The following RAPGEF1 variants were observed in gnomAD, a reference collection of about 807,000 sequenced individuals.
RAPGEF1 encodes the protein CRK SH3-binding GNRP.
A neutral mutation model predicts 143.3 loss-of-function variants in RAPGEF1; 33 were observed. The observed-to-expected ratio is 0.23, with a 90% CI of 0.17 to 0.31. RAPGEF1 has a LOEUF of 0.31. Among genes scored for constraint, RAPGEF1 ranks in the 10% least tolerant of loss-of-function variants. RAPGEF1 has a pLI of 1.00. For synonymous variants in RAPGEF1, 629 were observed against 676.5 expected (o/e 0.93, Z 1.09); for missense variants, 1,199 against 1,645.4 (o/e 0.73, Z 4.69).
chr9:131,735,854 G>C (rs1589132127), intron 1 of RAPGEF1, among the ~76,000 whole-genome samples: 1 of 152,148 alleles, frequency 6.6e-6, no homozygotes, highest in Non-Finnish European at 1.5e-5. Flanking sequence ...CCAGGCTTTT[G>C]AGATTTTTGA....
At chr9:131,593,583 T>A (rs1023896002) in intron 17 of RAPGEF1, among the ~76,000 whole-genome samples, 1 of 152,194 alleles carries the variant, frequency 6.6e-6, no homozygotes, top group African/African-American at 2.4e-5. Flanking sequence ...GGAACCCACA[T>A]CTCCAGCTGA....
At position 131,650,680 on chromosome 9, in the gene RAPGEF1, G is replaced by T; in HGVS notation, c.201+130C>A. On this transcript the variant is annotated intron_variant, in intron 2 of 26. Transcript: ENST00000683357. The surrounding 1 kb of genome is among the most constrained non-coding windows in gnomAD (Gnocchi z 4.7). ...ATTTTACAAGGACACCAAAGGTCCC[G>T]CCCATGGAATGCTACGAAGTAGGTA... 1 of 1,343,934 alleles carries T rather than the reference G, an allele frequency of 7.4e-7. No individual in the cohort carries two copies. Among genetic ancestry groups the T allele is most frequent in the Non-Finnish European group, 1.0e-6 (1 of 978,858 alleles). The allele number at this position is 1,343,934 out of a possible 1,614,324, so 83.3% of individuals were successfully genotyped here.
intron 1 of RAPGEF1, among the ~76,000 whole-genome samples, chr9:131,652,190 GTTAACC>G (rs1041796833): frequency 1.3e-5 from 2 of 152,100 alleles, no homozygotes; most frequent in African/African-American, 4.8e-5. Context: ...TCTTCAGTAA[GTTAACC>G]TTAGCTTACT....
intron 15 of RAPGEF1, among the ~76,000 whole-genome samples, chr9:131,601,171 CAAAAAAAA>C (rs11305443): frequency 1.3e-4 from 10 of 79,420 alleles, no homozygotes; most frequent in Non-Finnish European, 2.3e-4. Flanking sequence ...GACTCCGTCT[CAAAAAAAA>C]AAAAAAAAAA....
At chr9:131,681,818 T>A (rs1832934355) in intron 1 of RAPGEF1, among the ~76,000 whole-genome samples, 1 of 152,114 alleles carries the variant, frequency 6.6e-6, no homozygotes. Context: ...TGGAGAACAA[T>A]ACCCTTCCTT....
chr9:131,598,358 C>T (rs754683787), intron 15 of RAPGEF1, 48 bp from the exon 16 acceptor site: 1 of 1,529,710 alleles, frequency 6.5e-7, no homozygotes, highest in South Asian at 1.2e-5. Flanking sequence ...CGGCTCAGCT[C>T]CCGATGCCTG....
chr9:131,676,929 T>TGCGGGTA (rs1554856782), intron 1 of RAPGEF1, among the ~76,000 whole-genome samples: 1 of 152,078 alleles, frequency 6.6e-6, no homozygotes, highest in South Asian at 2.1e-4. Context: ...GCAGACACTC[T>TGCGGGTA]GGGGGTAGGC....
intron 10 of RAPGEF1, among the ~76,000 whole-genome samples, chr9:131,622,529 C>G (rs1331479370): frequency 1.3e-5 from 2 of 152,214 alleles, no homozygotes; most frequent in Non-Finnish European, 2.9e-5. Flanking sequence ...TATTTCTTCC[C>G]TGAGCCACAC....
In RAPGEF1 at chr9:131,708,441, C is replaced by T. The variant is rs1762467095; in HGVS notation, c.61+31329G>A. Among the ~76,000 whole-genome samples, 3 of 152,152 alleles carry T rather than the reference C, an allele frequency of 2.0e-5. No homozygotes were observed. In the East Asian group the frequency reaches 5.8e-4, roughly 29 times the overall value. Reference sequence around the variant, plus strand: ...AGACACTATTAAAGGTCCTTGAGCTCCAAATGTACCACTGCACTGCTCTGT... The same window carrying T: ...AGACACTATTAAAGGTCCTTGAGCTTCAAATGTACCACTGCACTGCTCTGT... On this transcript the variant is annotated intron_variant, in intron 1 of 26. Coordinates refer to ENST00000683357, the MANE Select transcript of RAPGEF1 (RefSeq NM_001377935.1).
intron 26 of RAPGEF1, among the ~76,000 whole-genome samples, chr9:131,580,029 G>A (rs934557524): frequency 1.3e-5 from 2 of 152,366 alleles, no homozygotes; most frequent in Admixed American, 6.5e-5. Flanking sequence ...ATGGGAGGAC[G>A]AGCTGTGCTG....
intron 1 of RAPGEF1, among the ~76,000 whole-genome samples, chr9:131,670,487 G>A (rs1831199744): frequency 6.6e-6 from 1 of 152,166 alleles, no homozygotes; most frequent in African/African-American, 2.4e-5. Flanking sequence ...GATCACCAGG[G>A]GAGTAAGTCA....
intron 10 of RAPGEF1, among the ~76,000 whole-genome samples, chr9:131,625,561 G>A (rs771844243): frequency 1.3e-5 from 2 of 152,074 alleles, no homozygotes; most frequent in African/African-American, 2.4e-5. Flanking sequence ...TATCCACCTC[G>A]CTCTACACAG....
At chr9:131,639,347 G>T (rs1330446683) in intron 4 of RAPGEF1, among the ~76,000 whole-genome samples, 4 of 152,144 alleles carry the variant, frequency 2.6e-5, no homozygotes, top group African/African-American at 4.8e-5. Flanking sequence ...GACGTCAGGA[G>T]CGCACGAATG....
chr9:131,605,764 T>TTTC lies in RAPGEF1; in HGVS notation c.2062-577_2062-576insGAA, dbSNP rs1491302132. Reference sequence around the variant, plus strand: ...CCCCATTTTTTTCTTTCTTTCTTTCTTTTTTTTTTTTTTTAACAAATGAAG... The same window carrying TTTC: ...CCCCATTTTTTTCTTTCTTTCTTTCTTTCTTTTTTTTTTTTTTAACAAATGAAG... On this transcript the variant is annotated intron_variant, in intron 12 of 26. Transcript: ENST00000683357. Among the ~76,000 whole-genome samples the TTTC allele has an allele frequency of 0.017, 143 of 8,188 alleles. 3 individuals carry two copies. The South Asian group carries it at 0.2, about 11-fold the overall frequency. 5.4% of individuals were successfully genotyped at this position (8,188 alleles called of 152,430 possible).
chr9:131,694,959 C>T (rs1834046409), intron 1 of RAPGEF1, among the ~76,000 whole-genome samples: 1 of 135,364 alleles, frequency 7.4e-6, no homozygotes, highest in Non-Finnish European at 1.6e-5. Context: ...TCCCCCCACC[C>T]ACAACAGGCC....
intron 1 of RAPGEF1, among the ~76,000 whole-genome samples, chr9:131,696,234 AT>A (rs1230247737): frequency 1.3e-5 from 2 of 152,170 alleles, no homozygotes; most frequent in African/African-American, 2.4e-5. Context: ...GAGGGAGGGG[AT>A]GACACCTGAG....
In RAPGEF1 at chr9:131,586,374, C is replaced by CA. The variant is rs1564453099; in HGVS notation, c.3233+1361_3233+1362insT. ...CTCAAACACACACACACACACACAC[C>CA]CACCTGCAGAGCGAGACTCCGTCTC... is the stretch of plus-strand genomic sequence containing the variant. On this transcript the variant is annotated intron_variant, in intron 22 of 26. Coordinates refer to ENST00000683357, the MANE Select transcript of RAPGEF1 (RefSeq NM_001377935.1). Among the ~76,000 whole-genome samples, 126 of 54,712 alleles carry CA rather than the reference C, an allele frequency of 2.3e-3. 3 individuals carry two copies. The highest frequency in any genetic ancestry group is 9.7e-3 in the African/African-American group (114 of 11,792). 35.9% of individuals were successfully genotyped at this position (54,712 alleles called of 152,430 possible). A position where few individuals can be genotyped will look rare whatever the true frequency, so the allele number is the denominator to read the frequency against.
intron 1 of RAPGEF1, among the ~76,000 whole-genome samples, chr9:131,728,048 C>G (rs1836790209): frequency 6.6e-6 from 1 of 152,094 alleles, no homozygotes; most frequent in Non-Finnish European, 1.5e-5. Flanking sequence ...GTGCTTCATG[C>G]TAGCTGCACT....
rs2133447595 is a variant in RAPGEF1, at chr9:131,651,005, A to G, written c.62-56T>C. On this transcript the variant is annotated intron_variant, in intron 1 of 26. Coordinates refer to ENST00000683357, the MANE Select transcript of RAPGEF1 (RefSeq NM_001377935.1). The stretch of plus-strand genomic sequence containing the variant: ...TGGGAGTGGGAAGAAGCGATGGTTC[A>G]TTGACCTTTTGTGGAAATGAGCAAT... 2.5e-6 allele frequency: 4 copies of G among 1,572,066 alleles called. No individual in the cohort carries two copies. In the South Asian group the frequency reaches 4.6e-5, roughly 18 times the overall value.
Sources: allele counts gnomAD v4.1 joint callset (sites outside exome capture counted in the v4.1 genomes callset), GRCh38; gene constraint gnomAD v4.1.1; non-coding constraint Gnocchi (gnomAD v3.1); transcripts MANE v1.5; gene names NCBI Gene and HGNC (gene_info 2026-07-23, HGNC 2026-07-21).